The following SH3BGRL2 variants were observed in gnomAD, a reference collection of about 807,000 sequenced individuals.
The protein encoded by SH3BGRL2 is SH3 domain binding glutamate rich protein like 2.
In SH3BGRL2, 21 loss-of-function variants were observed where a neutral mutation model predicts 14.8. The ratio of observed to expected loss-of-function variants is 1.42; its 90% CI spans 1.01 to 2.05. SH3BGRL2 has a LOEUF of 2.05. Among genes scored for constraint, SH3BGRL2 ranks in the 30% most tolerant of loss-of-function variants. The pLI, the probability that SH3BGRL2 is intolerant of heterozygous loss-of-function variation, is 0.00. For synonymous variants in SH3BGRL2, 50 were observed against 47.8 expected (o/e 1.05, Z -0.19); for missense variants, 147 against 130.8 (o/e 1.12, Z -0.61).
At chr6:79,579,176 G>C in the SH3BGRL2 span, among the ~76,000 whole-genome samples, 1 of 152,210 alleles carries the variant, frequency 6.6e-6, no homozygotes, top group South Asian at 2.1e-4. Flanking sequence ...TATTTGTTTG[G>C]TGTATCTGAA....
At chr6:79,676,599 TTATG>T (rs1000766286) in intron 2 of SH3BGRL2, among the ~76,000 whole-genome samples, 4 of 130,496 alleles carry the variant, frequency 3.1e-5, no homozygotes, top group Non-Finnish European at 4.8e-5. Context: ...CTTTATGTCT[TTATG>T]TATGTGTGTG....
the SH3BGRL2 span, among the ~76,000 whole-genome samples, chr6:79,543,785 T>C: frequency 2.0e-5 from 3 of 152,248 alleles, no homozygotes; most frequent in Admixed American, 2.0e-4. Context: ...TTCACATTTT[T>C]AGTTTCATAG....
chr6:79,546,360 GC>G, the SH3BGRL2 span, among the ~76,000 whole-genome samples: 2 of 152,066 alleles, frequency 1.3e-5, no homozygotes, highest in Non-Finnish European at 2.9e-5. Context: ...CGTGGCTACT[GC>G]CCAAAGCTGA....
At chr6:79,676,629 G>T (rs566363278) in intron 2 of SH3BGRL2, among the ~76,000 whole-genome samples, 1 of 130,252 alleles carries the variant, frequency 7.7e-6, no homozygotes, top group East Asian at 2.3e-4. Flanking sequence ...GTGTGTGTGT[G>T]TGTGTGTGTG....
At chr6:79,612,163 G>C in the SH3BGRL2 span, among the ~76,000 whole-genome samples, 2 of 152,104 alleles carry the variant, frequency 1.3e-5, no homozygotes, top group African/African-American at 4.8e-5. Context: ...TGGGCGTGGT[G>C]GGGTTGGGGG....
chr6:79,611,260 G>C, the SH3BGRL2 span, among the ~76,000 whole-genome samples: 1 of 151,916 alleles, frequency 6.6e-6, no homozygotes, highest in Non-Finnish European at 1.5e-5. Context: ...TAAGAATGTA[G>C]GTGCCTAGCA....
intron 2 of SH3BGRL2, among the ~76,000 whole-genome samples, chr6:79,688,667 A>AT (rs1770149473): frequency 6.6e-6 from 1 of 152,140 alleles, no homozygotes; most frequent in African/African-American, 2.4e-5. Flanking sequence ...ACCCTAAGGT[A>AT]TTTTTTAAAT....
chr6:79,561,736 TG>T, the SH3BGRL2 span: 1 of 152,258 alleles, frequency 6.6e-6, no homozygotes, highest in African/African-American at 2.4e-5. Context: ...AGGATAGAAC[TG>T]GGCAGTCATG....
At chr6:79,569,509 C>T in the SH3BGRL2 span, among the ~76,000 whole-genome samples, 1 of 152,016 alleles carries the variant, frequency 6.6e-6, no homozygotes, top group African/African-American at 2.4e-5. Flanking sequence ...TCTTTCAGGG[C>T]CTGCTATCGG....
chr6:79,699,462 A>ATTT (rs760632177), intron 3 of SH3BGRL2, 36 bp from the exon 4 acceptor site: 4 of 982,458 alleles, frequency 4.1e-6, no homozygotes, highest in South Asian at 2.0e-5. Flanking sequence ...GCAATAACTG[A>ATTT]CTTTTTTTTT....
the SH3BGRL2 span, among the ~76,000 whole-genome samples, chr6:79,582,869 T>A: frequency 2.0e-5 from 3 of 151,764 alleles, no homozygotes; most frequent in African/African-American, 7.3e-5. Context: ...TGGGAGAAAA[T>A]TTTTGCAATC....
At chr6:79,598,154 T>C in the SH3BGRL2 span, among the ~76,000 whole-genome samples, 2,412 of 152,268 alleles carry the variant, frequency 0.016, 27 homozygotes, top group Non-Finnish European at 0.022. Context: ...GTATATGAAA[T>C]GGTGCAGCGA....
upstream of SH3BGRL2, among the ~76,000 whole-genome samples, chr6:79,629,085 A>C (rs1768778246): frequency 6.6e-6 from 1 of 152,154 alleles, no homozygotes; most frequent in Admixed American, 6.5e-5. Flanking sequence ...TTCCAATAAA[A>C]CTTTATTTAC....
chr6:79,695,925 G>T (rs1385393495), intron 2 of SH3BGRL2, among the ~76,000 whole-genome samples: 1 of 152,186 alleles, frequency 6.6e-6, no homozygotes, highest in Non-Finnish European at 1.5e-5. Flanking sequence ...TGAGGCAAAG[G>T]TAAATATTAT....
At chr6:79,622,454 A>C in the SH3BGRL2 span, among the ~76,000 whole-genome samples, 1 of 152,214 alleles carries the variant, frequency 6.6e-6, no homozygotes, top group African/African-American at 2.4e-5. Flanking sequence ...TGTTGCAAGT[A>C]AACTTTAGAT....
intron 1 of SH3BGRL2, among the ~76,000 whole-genome samples, chr6:79,645,154 C>CA (rs68143148): frequency 0.24 from 28,333 of 119,848 alleles, 3,362 homozygotes; most frequent in East Asian, 0.44. Flanking sequence ...GAGTCCGTCT[C>CA]AAAAAAAAAA....
chr6:79,631,470 C>T lies in SH3BGRL2; in HGVS notation c.9C>T (p.Ile3=), dbSNP rs1349105359. Residue 3 remains isoleucine (I), a synonymous_variant, in exon 1 of 4, where the codon ATC becomes ATT. Transcript: ENST00000369838. MV[I]RVFIASSSGF... ...CCGGGCGCAGCGAGAGGATGGTCAT[C>T]CGCGTGTTCATCGCCTCTTCCTCGG... The T allele has an allele frequency of 6.6e-7, 1 of 1,511,122 alleles. No individual in the cohort carries two copies. The highest frequency in any genetic ancestry group is 8.9e-7 in the Non-Finnish European group (1 of 1,128,042). 93.6% of individuals were successfully genotyped at this position (1,511,122 alleles called of 1,614,324 possible). A position where few individuals can be genotyped will look rare whatever the true frequency, so the allele number is the denominator to read the frequency against.
chr6:79,683,773 C>A (rs1451309022), intron 2 of SH3BGRL2, among the ~76,000 whole-genome samples: 1 of 152,170 alleles, frequency 6.6e-6, no homozygotes, highest in Non-Finnish European at 1.5e-5. Flanking sequence ...GCTCACAGTC[C>A]CTTCCGTAGT....
Position 79,631,407 on chromosome 6 carries a change from C to T in SH3BGRL2, c.-55C>T, listed in dbSNP as rs546357578. 8 of 1,469,618 alleles carry T rather than the reference C, an allele frequency of 5.4e-6. No individual in the cohort carries two copies. The African/African-American group carries it at 8.7e-5, about 16-fold the overall frequency. 91.0% of individuals were successfully genotyped at this position (1,469,618 alleles called of 1,614,324 possible). On this transcript the variant is annotated 5_prime_UTR_variant, in exon 1 of 4. Coordinates refer to ENST00000369838, the MANE Select transcript of SH3BGRL2 (RefSeq NM_031469.4). The stretch of plus-strand genomic sequence containing the variant: ...CTCGTAGCTGGGTTCAGCTCTGCGT[C>T]CACGCCAGCCCGGAGCCCGGGGGGC...
Sources: gnomAD v4.1 joint callset for allele counts (sites outside exome capture counted in the v4.1 genomes callset) on GRCh38, gnomAD v4.1.1 for gene constraint, MANE v1.5 for transcripts, NCBI Gene and HGNC (gene_info 2026-07-23, HGNC 2026-07-21) for gene names.